Variants in AGPAT4 observed in about 807,000 individuals in gnomAD.
AGPAT4 encodes the protein 1-acylglycerol-3-phosphate O-acyltransferase 4.
Under a neutral mutation model 48.0 loss-of-function variants are expected in AGPAT4, and 15 were observed. The observed-to-expected ratio is 0.31, with a 90% CI of 0.21 to 0.48. AGPAT4 has a LOEUF of 0.48. Ranked by LOEUF, AGPAT4 falls within the 20% of genes least tolerant of loss-of-function variation. The pLI, the probability that AGPAT4 is intolerant of heterozygous loss-of-function variation, is 0.99. For missense variants in AGPAT4, 314 were observed against 482.5 expected, an observed-to-expected ratio of 0.65 and a Z score of 3.27; for synonymous variants, 178 against 198.7, an observed-to-expected ratio of 0.90 and a Z score of 0.88.
In AGPAT4 at chr6:161,145,145, G is replaced by A. The variant is rs1251638666; in HGVS notation, c.843+1379C>T. On this transcript the variant is annotated intron_variant, in intron 7 of 8. Transcript: ENST00000320285. ...CATATGTGCATCGGTGCAGAACCTC[G>A]ATAACTTAGAATCTTGTTGTTAAAA... 3.3e-5 allele frequency among the ~76,000 whole-genome samples: 5 copies of A among 151,562 alleles called. 1 individual carries two copies. Among genetic ancestry groups the A allele is most frequent in the African/African-American group, 1.2e-4 (5 of 40,860 alleles).
At position 161,158,079 on chromosome 6, in the gene AGPAT4, T is replaced by G. The variant is rs149919177; in HGVS notation, c.349-3769A>C. 8.5e-5 allele frequency among the ~76,000 whole-genome samples: 13 copies of G among 152,330 alleles called. No homozygotes were observed. In the East Asian group the frequency reaches 2.3e-3, roughly 27 times the overall value. Reference sequence around the variant, plus strand: ...AAGCAGTATCTGAACACCTCCTTATTCAACCCATTTTCTCTGCCATGCTTT... The same window carrying G: ...AAGCAGTATCTGAACACCTCCTTATGCAACCCATTTTCTCTGCCATGCTTT... On this transcript the variant is annotated intron_variant, in intron 3 of 8. Coordinates refer to ENST00000320285, the MANE Select transcript of AGPAT4 (RefSeq NM_020133.3). The surrounding 1 kb of genome is among the most constrained non-coding windows in gnomAD (Gnocchi z 5.3).
In AGPAT4 at chr6:161,200,210, G is replaced by A. The variant is rs953858206; in HGVS notation, c.178+31826C>T. Among the ~76,000 whole-genome samples, 6 of 152,200 alleles carry A rather than the reference G, an allele frequency of 3.9e-5. No homozygotes were observed. The highest frequency in any genetic ancestry group is 7.3e-5 in the Non-Finnish European group (5 of 68,032). On this transcript the variant is annotated intron_variant, in intron 2 of 8. Coordinates refer to ENST00000320285, the MANE Select transcript of AGPAT4 (RefSeq NM_020133.3). This position sits in a 1 kb window ranked among gnomAD's most constrained non-coding sequence, Gnocchi z 5.5. ...TCCCCATGAGAAAAAATGTCAAATTGTACATCACTTCTATGAGAAAATCAC... is the reference window on the plus strand; with the variant it reads ...TCCCCATGAGAAAAAATGTCAAATTATACATCACTTCTATGAGAAAATCAC...
rs1350488830 is a variant in AGPAT4, at chr6:161,144,744, C to T, written c.843+1780G>A. Reference sequence around the variant, plus strand: ...CTGTAATCCCAGCACTTTGGGAGGCCGAGGAGGGCAGATCACAAGACCTTG... The same window carrying T: ...CTGTAATCCCAGCACTTTGGGAGGCTGAGGAGGGCAGATCACAAGACCTTG... On this transcript the variant is annotated intron_variant, in intron 7 of 8. Coordinates refer to ENST00000320285, the MANE Select transcript of AGPAT4 (RefSeq NM_020133.3). This position sits in a 1 kb window ranked among gnomAD's most constrained non-coding sequence, Gnocchi z 6.6. Among the ~76,000 whole-genome samples, 1 of 152,040 alleles carries T rather than the reference C, an allele frequency of 6.6e-6. No individual in the cohort carries two copies. The highest frequency in any genetic ancestry group is 1.5e-5 in the Non-Finnish European group (1 of 68,018).
chr6:161,239,978 C>T (rs1174682025), intron 1 of AGPAT4, among the ~76,000 whole-genome samples: 5 of 151,768 alleles, frequency 3.3e-5, no homozygotes, highest in Non-Finnish European at 5.9e-5. Flanking sequence ...GTTTCCAATG[C>T]CAAAAATTAG....
chr6:161,177,287 C>T lies in AGPAT4; in HGVS notation c.179-10870G>A, dbSNP rs557859113. 2.6e-5 allele frequency among the ~76,000 whole-genome samples: 4 copies of T among 152,294 alleles called. No individual in the cohort carries two copies. The highest frequency in any genetic ancestry group is 1.9e-4 in the East Asian group (1 of 5,188). ...GTCACTTTCAGGTACATCAATCAGA[C>T]GTAGATTTGGTCTTTTCACATAGTC... is the stretch of plus-strand genomic sequence containing the variant. On this transcript the variant is annotated intron_variant, in intron 2 of 8. Transcript: ENST00000320285. The surrounding 1 kb of genome is among the most constrained non-coding windows in gnomAD (Gnocchi z 5.0).
chr6:161,240,862 T>C lies in AGPAT4; in HGVS notation c.-89-8560A>G, dbSNP rs1360373397. Among the ~76,000 whole-genome samples, 4 of 152,150 alleles carry C rather than the reference T, an allele frequency of 2.6e-5. No homozygotes were observed. The highest frequency in any genetic ancestry group is 2.0e-4 in the Admixed American group (3 of 15,276). On this transcript the variant is annotated intron_variant, in intron 1 of 8. Transcript: ENST00000320285. The surrounding 1 kb of genome is among the most constrained non-coding windows in gnomAD (Gnocchi z 5.5). ...AGGCTGGGTTCAGTTTTGGCTCCCT[T>C]AGAGTTCAGTTGGCCTAATTCCTAC...
At chr6:161,153,305 C>G (rs748147777) in intron 5 of AGPAT4, 41 bp downstream of exon 5, 1 of 1,572,654 alleles carries the variant, frequency 6.4e-7, no homozygotes, top group African/African-American at 1.4e-5. Context: ...TTGTCTTCCT[C>G]GCTGCCACGG....
chr6:161,205,972 G>C (rs1303855036), intron 2 of AGPAT4, among the ~76,000 whole-genome samples: 1 of 152,102 alleles, frequency 6.6e-6, no homozygotes, highest in South Asian at 2.1e-4. Flanking sequence ...GAAAGGTGGA[G>C]AGAAGAAGGC....
At position 161,272,401 on chromosome 6, in the gene AGPAT4, A is replaced by C. The variant is rs1278057526; in HGVS notation, c.-90+1537T>G. On this transcript the variant is annotated intron_variant, in intron 1 of 8. Coordinates refer to ENST00000320285, the MANE Select transcript of AGPAT4 (RefSeq NM_020133.3). This position sits in a 1 kb window ranked among gnomAD's most constrained non-coding sequence, Gnocchi z 4.2. The stretch of plus-strand genomic sequence containing the variant: ...GATTACTACTTATCTATTTTATAAA[A>C]GCTAATTATTTGGGATGCCCATCAG... Among the ~76,000 whole-genome samples the C allele has an allele frequency of 1.3e-5, 2 of 152,204 alleles. No individual in the cohort carries two copies. Among genetic ancestry groups the C allele is most frequent in the African/African-American group, 4.8e-5 (2 of 41,450 alleles).
intron 2 of AGPAT4, among the ~76,000 whole-genome samples, chr6:161,175,043 G>A (rs191938615): frequency 1.2e-4 from 19 of 152,200 alleles, no homozygotes; most frequent in Non-Finnish European, 5.9e-5. Flanking sequence ...TGCTGGATTC[G>A]GTTTGCCAGT....
chr6:161,186,817 T>C (rs560626056), intron 2 of AGPAT4, among the ~76,000 whole-genome samples: 417 of 152,350 alleles, frequency 2.7e-3, no homozygotes, highest in African/African-American at 9.1e-3. Flanking sequence ...CCCCAAGCTC[T>C]GGGTTCTTGC....
At position 161,208,944 on chromosome 6, in the gene AGPAT4, G is replaced by A. The variant is rs997110669; in HGVS notation, c.178+23092C>T. 2.6e-5 allele frequency among the ~76,000 whole-genome samples: 4 copies of A among 152,138 alleles called. No individual in the cohort carries two copies. Among genetic ancestry groups the A allele is most frequent in the African/African-American group, 9.7e-5 (4 of 41,430 alleles). Reference sequence around the variant, plus strand: ...GGGGAACACAAGCAAACCCACACCAGAAAGAGTCCCTAAAACGGCAATCAT... The same window carrying A: ...GGGGAACACAAGCAAACCCACACCAAAAAGAGTCCCTAAAACGGCAATCAT... On this transcript the variant is annotated intron_variant, in intron 2 of 8. Transcript: ENST00000320285. This position sits in a 1 kb window ranked among gnomAD's most constrained non-coding sequence, Gnocchi z 4.6.
In AGPAT4 at chr6:161,215,722, AG is replaced by A. The variant is rs1312155207; in HGVS notation, c.178+16313del. 2.6e-5 allele frequency among the ~76,000 whole-genome samples: 4 copies of A among 151,160 alleles called. No individual in the cohort carries two copies. The highest frequency in any genetic ancestry group is 1.3e-4 in the Admixed American group (2 of 15,186). ...TCCCTTACCATAAAAAAAAAAAAAA[AG>A]AAAACACAAAAACACAAGATCCAAG... is the stretch of plus-strand genomic sequence containing the variant. On this transcript the variant is annotated intron_variant, in intron 2 of 8. Transcript: ENST00000320285. The surrounding 1 kb of genome is among the most constrained non-coding windows in gnomAD (Gnocchi z 4.5).
Position 161,189,077 on chromosome 6 carries a change from C to A in AGPAT4, c.179-22660G>T, listed in dbSNP as rs1780852517. Among the ~76,000 whole-genome samples the A allele has an allele frequency of 2.0e-5, 3 of 152,148 alleles. No individual in the cohort carries two copies. In the South Asian group the frequency reaches 6.2e-4, roughly 31 times the overall value. On this transcript the variant is annotated intron_variant, in intron 2 of 8. Coordinates refer to ENST00000320285, the MANE Select transcript of AGPAT4 (RefSeq NM_020133.3). This position sits in a 1 kb window ranked among gnomAD's most constrained non-coding sequence, Gnocchi z 5.3. ...TAATAAATCTGTGCCTATTTTATATCCCCATCTTTAAAACATCCCTGATAA... is the reference window on the plus strand; with the variant it reads ...TAATAAATCTGTGCCTATTTTATATACCCATCTTTAAAACATCCCTGATAA...
In AGPAT4 at chr6:161,137,251, T is replaced by C. The variant is rs1779096403; in HGVS notation, c.1043-617A>G. ...AGAAGTTGCAATTTCAACTACACCCTCTGGAGCGGGCAGATGTGGTGAGGT... is the reference window on the plus strand; with the variant it reads ...AGAAGTTGCAATTTCAACTACACCCCCTGGAGCGGGCAGATGTGGTGAGGT... On this transcript the variant is annotated intron_variant, in intron 8 of 8. Coordinates refer to ENST00000320285, the MANE Select transcript of AGPAT4 (RefSeq NM_020133.3). The surrounding 1 kb of genome is among the most constrained non-coding windows in gnomAD (Gnocchi z 6.1). 6.6e-6 allele frequency among the ~76,000 whole-genome samples: 1 copy of C among 152,170 alleles called. No homozygotes were observed. The highest frequency in any genetic ancestry group is 6.5e-5 in the Admixed American group (1 of 15,278).
At chr6:161,162,758 T>C (rs776184512) in intron 3 of AGPAT4, among the ~76,000 whole-genome samples, 39 of 152,232 alleles carry the variant, frequency 2.6e-4, no homozygotes, top group Non-Finnish European at 5.1e-4. Flanking sequence ...AATATAATAA[T>C]AGCTGCTGCT....
At position 161,273,736 on chromosome 6, in the gene AGPAT4, A is replaced by C. The variant is rs555624686; in HGVS notation, c.-90+202T>G. 2.0e-5 allele frequency among the ~76,000 whole-genome samples: 3 copies of C among 151,796 alleles called. No individual in the cohort carries two copies. The South Asian group carries it at 6.2e-4, about 32-fold the overall frequency. ...AGCGAGGGTCCTTTTGTACCAGCAG[A>C]GCCTCTCTTCGCCTCCCTCCAGGCG... On this transcript the variant is annotated intron_variant, in intron 1 of 8. Transcript: ENST00000320285.
chr6:161,187,579 G>A (rs954464335), intron 2 of AGPAT4, among the ~76,000 whole-genome samples: 4 of 151,168 alleles, frequency 2.6e-5, no homozygotes, highest in Non-Finnish European at 4.4e-5. Flanking sequence ...TCACTGTCTC[G>A]CTCAGGCTGG....
At position 161,147,682 on chromosome 6, in the gene AGPAT4, C is replaced by A. The variant is rs571007475; in HGVS notation, c.768-1083G>T. 1.3e-5 allele frequency among the ~76,000 whole-genome samples: 2 copies of A among 152,206 alleles called. No individual in the cohort carries two copies. The highest frequency in any genetic ancestry group is 2.9e-5 in the Non-Finnish European group (2 of 68,040). On this transcript the variant is annotated intron_variant, in intron 6 of 8. Transcript: ENST00000320285. The surrounding 1 kb of genome is among the most constrained non-coding windows in gnomAD (Gnocchi z 4.8). ...TATTCTTTCACCTTTTCTGTTCCTACGCACACTGCACTTCTCTGGATCCTC... is the reference window on the plus strand; with the variant it reads ...TATTCTTTCACCTTTTCTGTTCCTAAGCACACTGCACTTCTCTGGATCCTC...
Sources: gnomAD v4.1 joint callset for allele counts (sites outside exome capture counted in the v4.1 genomes callset) on GRCh38, gnomAD v4.1.1 for gene constraint, Gnocchi (gnomAD v3.1) non-coding constraint, MANE v1.5 for transcripts, NCBI Gene and HGNC (gene_info 2026-07-23, HGNC 2026-07-21) for gene names.